The following OR2AG1 variants were observed in gnomAD, a reference collection of about 807,000 sequenced individuals.
OR2AG1 encodes olfactory receptor family 2 subfamily AG member 1.
For missense variants in OR2AG1, 391 were observed against 385.9 expected, an observed-to-expected ratio of 1.01 and a Z score of -0.11; for synonymous variants, 157 against 155.6, an observed-to-expected ratio of 1.01 and a Z score of -0.07.
chr11:6,787,032 G>T lies in OR2AG1; in HGVS notation c.*1044G>T, dbSNP rs961324491. On this transcript the variant is annotated 3_prime_UTR_variant, in exon 2 of 2. Coordinates refer to ENST00000641258, the MANE Select transcript of OR2AG1 (RefSeq NM_001004489.3). ...TATTGCTGTTTGAAGATTCGCTAACGCTTTTTAAATCAATTCCTATAGTAA... is the reference window on the plus strand; with the variant it reads ...TATTGCTGTTTGAAGATTCGCTAACTCTTTTTAAATCAATTCCTATAGTAA... 6.6e-6 allele frequency: 1 copy of T among 152,180 alleles called. No homozygotes were observed. The highest frequency in any genetic ancestry group is 6.6e-5 in the Admixed American group (1 of 15,266). 9.4% of individuals were successfully genotyped at this position (152,180 alleles called of 1,614,324 possible).
At position 6,788,658 on chromosome 11, in the gene OR2AG1, C is replaced by T. The variant is rs923544421; in HGVS notation, c.*2670C>T. 5.9e-5 allele frequency: 9 copies of T among 152,068 alleles called. No homozygotes were observed. The allele number at this position is 152,068 out of a possible 1,614,324, so 9.4% of individuals were successfully genotyped here. ...ATGGTGCATGACTATACTTCTGGAA[C>T]CTAGTCTCAGTCAGTTTTAAAATGA... On this transcript the variant is annotated 3_prime_UTR_variant, in exon 2 of 2. Transcript: ENST00000641258.
At chr11:6,784,218 AG>A in intron 1 of OR2AG1, among the ~76,000 whole-genome samples, 1 of 152,220 alleles carries the variant, frequency 6.6e-6, no homozygotes, top group African/African-American at 2.4e-5. Flanking sequence ...GCATAATTAC[AG>A]CATATAATAG....
Position 6,788,318 on chromosome 11 carries a change from G to C in OR2AG1, c.*2330G>C, listed in dbSNP as rs918493052. On this transcript the variant is annotated 3_prime_UTR_variant, in exon 2 of 2. Transcript: ENST00000641258. ...TATATGTTTAACTTTAACAATAAAT[G>C]TCAAACTTATCTTTACATGTGAAAA... 1.3e-4 allele frequency: 20 copies of C among 152,036 alleles called. No individual in the cohort carries two copies. The highest frequency in any genetic ancestry group is 4.8e-4 in the African/African-American group (20 of 41,408). 9.4% of individuals were successfully genotyped at this position (152,036 alleles called of 1,614,324 possible). A position where few individuals can be genotyped will look rare whatever the true frequency, so the allele number is the denominator to read the frequency against.
chr11:6,785,840 C>G lies in OR2AG1; in HGVS notation c.803C>G (p.Thr268Ser), dbSNP rs1410398634. The change falls in exon 2 of 2, where the codon ACC (threonine) becomes AGC (serine). Residue 268 changes from threonine to serine, a missense_variant. By Grantham distance (58) the Thr-to-Ser change is moderately conservative. Transcript: ENST00000641258. ...GTCTTGCCCAGTTCCTTCCACAGCA[C>G]CAGACAAGACAACATCATCTCTGTT... Reference protein sequence around the residue: ...MYVLPSSFHSTRQDNIISVFY... With the variant: ...MYVLPSSFHSSRQDNIISVFY... 6.2e-7 allele frequency: 1 copy of G among 1,614,132 alleles called. No homozygotes were observed. The highest frequency in any genetic ancestry group is 2.2e-5 in the East Asian group (1 of 44,874).
rs1393644526 is a variant in OR2AG1 at position 6,788,756 on chromosome 11, G to C, written c.*2768G>C. The C allele has an allele frequency of 6.6e-6, 1 of 151,910 alleles. No individual in the cohort carries two copies. Among genetic ancestry groups the C allele is most frequent in the African/African-American group, 2.4e-5 (1 of 41,324 alleles). 9.4% of individuals were successfully genotyped at this position (151,910 alleles called of 1,614,324 possible). ...TAGAACAGAAGCAGTTGGCTACAAA[G>C]CCCTCTTCAAATCCTCCACATATCT... On this transcript the variant is annotated 3_prime_UTR_variant, in exon 2 of 2. Coordinates refer to ENST00000641258, the MANE Select transcript of OR2AG1 (RefSeq NM_001004489.3).
At position 6,788,945 on chromosome 11, in the gene OR2AG1, A is replaced by C. The variant is rs964745422; in HGVS notation, c.*2957A>C. ...AAATAAATAAATAAATAAATAAATA[A>C]ATAAATAAAGTAAGAAGTCTTTGCA... On this transcript the variant is annotated 3_prime_UTR_variant, in exon 2 of 2. Transcript: ENST00000641258. 3 of 150,964 alleles carry C rather than the reference A, an allele frequency of 2.0e-5. No individual in the cohort carries two copies. Among genetic ancestry groups the C allele is most frequent in the African/African-American group, 7.3e-5 (3 of 41,062 alleles). The allele number at this position is 150,964 out of a possible 1,614,324, so 9.4% of individuals were successfully genotyped here.
rs1847623354 is a variant in OR2AG1, at chr11:6,785,946, G to A, written c.909G>A (p.Arg303=). 6.2e-7 allele frequency: 1 copy of A among 1,613,970 alleles called. No homozygotes were observed. The highest frequency in any genetic ancestry group is 8.5e-7 in the Non-Finnish European group (1 of 1,179,930). Residue 303 remains arginine (R), a synonymous_variant, in exon 2 of 2, where the codon AGG becomes AGA. Transcript: ENST00000641258. ...AGGAGGTCATGCGGGCCTTGAGGAG[G>A]GTCCTGGGAAAATACATGCTGCCAG... is the stretch of plus-strand genomic sequence containing the variant. The part of the protein sequence containing the change: ...RNKEVMRALR[R]VLGKYMLPAH...
At chr11:6,784,695 T>C (rs1443353187) in intron 1 of OR2AG1, among the ~76,000 whole-genome samples, 3 of 152,220 alleles carry the variant, frequency 2.0e-5, no homozygotes, top group Non-Finnish European at 2.9e-5. Flanking sequence ...TAATCAAGGA[T>C]TTGTGTGGCA....
Position 6,791,513 on chromosome 11 carries a change from C to T in OR2AG1, c.*5525C>T, listed in dbSNP as rs1165868053. On this transcript the variant is annotated 3_prime_UTR_variant, in exon 2 of 2. Coordinates refer to ENST00000641258, the MANE Select transcript of OR2AG1 (RefSeq NM_001004489.3). ...TAAGTATATAAAGCACTAACTTTAT[C>T]AATTTTGTTAATTATACTTCACTTC... The T allele has an allele frequency of 1.3e-5, 2 of 152,112 alleles. No homozygotes were observed. The highest frequency in any genetic ancestry group is 6.6e-5 in the Admixed American group (1 of 15,266). The allele number at this position is 152,112 out of a possible 1,614,324, so 9.4% of individuals were successfully genotyped here.
At position 6,785,494 on chromosome 11, in the gene OR2AG1, T is replaced by A; in HGVS notation, c.457T>A (p.Ser153Thr). Residue 153 changes from serine (S) to threonine (T), a missense_variant, in exon 2 of 2, where the codon TCC (serine) becomes ACC (threonine). Ser to Thr is a moderately conservative substitution (Grantham distance 58, BLOSUM62 1). Coordinates refer to ENST00000641258, the MANE Select transcript of OR2AG1 (RefSeq NM_001004489.3). Reference sequence around the variant, plus strand: ...GGTGGCCACGTCCTGGATCCTGGCATCCCTAAGTGCCCTAATATATACCGT... The same window carrying A: ...GGTGGCCACGTCCTGGATCCTGGCAACCCTAAGTGCCCTAATATATACCGT... Reference protein sequence around the residue: ...LMVATSWILASLSALIYTVYT... With the variant: ...LMVATSWILATLSALIYTVYT... The A allele has an allele frequency of 6.2e-7, 1 of 1,614,106 alleles. No individual in the cohort carries two copies. Among genetic ancestry groups the A allele is most frequent in the Non-Finnish European group, 8.5e-7 (1 of 1,179,992 alleles).
At chr11:6,784,845 T>C (rs1468320622) in intron 1 of OR2AG1, among the ~76,000 whole-genome samples, 173 bp from the exon 2 acceptor site, 2 of 152,210 alleles carry the variant, frequency 1.3e-5, no homozygotes, top group African/African-American at 2.4e-5. Context: ...TCCATTTAGA[T>C]GGAACTTTTA....
chr11:6,787,862 GCATT>G lies in OR2AG1; in HGVS notation c.*1876_*1879del, dbSNP rs1847644743. 2 of 151,918 alleles carry G rather than the reference GCATT, an allele frequency of 1.3e-5. No homozygotes were observed. Among genetic ancestry groups the G allele is most frequent in the Non-Finnish European group, 2.9e-5 (2 of 67,966 alleles). 9.4% of individuals were successfully genotyped at this position (151,918 alleles called of 1,614,324 possible). A position where few individuals can be genotyped will look rare whatever the true frequency, so the allele number is the denominator to read the frequency against. ...GTTTTCTTAAAATGTTAAATATTTTGCATTCTTACCAGCAACATATAAGTGTACT... is the reference window on the plus strand; with the variant it reads ...GTTTTCTTAAAATGTTAAATATTTTGCTTACCAGCAACATATAAGTGTACT... On this transcript the variant is annotated 3_prime_UTR_variant, in exon 2 of 2. Coordinates refer to ENST00000641258, the MANE Select transcript of OR2AG1 (RefSeq NM_001004489.3).
At position 6,788,214 on chromosome 11, in the gene OR2AG1, A is replaced by G. The variant is rs1010937841; in HGVS notation, c.*2226A>G. ...TTTTACTGTTAGGATATAATTTTCTATTCTCATTGACGTCTTTGCTGTGCA... is the reference window on the plus strand; with the variant it reads ...TTTTACTGTTAGGATATAATTTTCTGTTCTCATTGACGTCTTTGCTGTGCA... On this transcript the variant is annotated 3_prime_UTR_variant, in exon 2 of 2. Coordinates refer to ENST00000641258, the MANE Select transcript of OR2AG1 (RefSeq NM_001004489.3). 3.3e-5 allele frequency: 5 copies of G among 151,980 alleles called. No individual in the cohort carries two copies. In the South Asian group the frequency reaches 1.0e-3, roughly 32 times the overall value. 9.4% of individuals were successfully genotyped at this position (151,980 alleles called of 1,614,324 possible).
In OR2AG1 at chr11:6,785,314, T is replaced by A. The variant is rs1478797979; in HGVS notation, c.277T>A (p.Ser93Thr). Residue 93 changes from serine to threonine, a missense_variant, in exon 2 of 2, where the codon TCC becomes ACC. Coordinates refer to ENST00000641258, the MANE Select transcript of OR2AG1 (RefSeq NM_001004489.3). ...CTTTCTGCGCAGAGAAAACACCATC[T>A]CCTTTGGAGGCTGTGCCCTTCAGAT... The part of the protein sequence containing the change: ...ADFLRRENTI[S>T]FGGCALQMFL... 1 of 1,614,106 alleles carries A rather than the reference T, an allele frequency of 6.2e-7. No individual in the cohort carries two copies. The highest frequency in any genetic ancestry group is 8.5e-7 in the Non-Finnish European group (1 of 1,180,014).
rs150398576 is a variant in OR2AG1 at position 6,785,310 on chromosome 11, C to T, written c.273C>T (p.Thr91=). 33 of 1,614,154 alleles carry T rather than the reference C, an allele frequency of 2.0e-5. No individual in the cohort carries two copies. The highest frequency in any genetic ancestry group is 1.9e-4 in the African/African-American group (14 of 75,044). ...CGGACTTTCTGCGCAGAGAAAACACCATCTCCTTTGGAGGCTGTGCCCTTC... is the reference window on the plus strand; with the variant it reads ...CGGACTTTCTGCGCAGAGAAAACACTATCTCCTTTGGAGGCTGTGCCCTTC... ...ALADFLRREN[T]ISFGGCALQM... Residue 91 remains threonine (T), a synonymous_variant, in exon 2 of 2, where the codon ACC becomes ACT. Coordinates refer to ENST00000641258, the MANE Select transcript of OR2AG1 (RefSeq NM_001004489.3).
rs1847678712 is a variant in OR2AG1 at position 6,790,524 on chromosome 11, A to G, written c.*4536A>G. 6.6e-6 allele frequency: 1 copy of G among 152,220 alleles called. No homozygotes were observed. The highest frequency in any genetic ancestry group is 1.5e-5 in the Non-Finnish European group (1 of 68,048). The allele number at this position is 152,220 out of a possible 1,614,324, so 9.4% of individuals were successfully genotyped here. A position where few individuals can be genotyped will look rare whatever the true frequency, so the allele number is the denominator to read the frequency against. On this transcript the variant is annotated 3_prime_UTR_variant, in exon 2 of 2. Transcript: ENST00000641258. ...ATCAAATCATCACACTGTATACCTTAAATACATTCTAGTCATATTTGTCAA... is the reference window on the plus strand; with the variant it reads ...ATCAAATCATCACACTGTATACCTTGAATACATTCTAGTCATATTTGTCAA...
chr11:6,784,420 C>G (rs1847601294), intron 1 of OR2AG1, among the ~76,000 whole-genome samples: 1 of 152,194 alleles, frequency 6.6e-6, no homozygotes, highest in African/African-American at 2.4e-5. Flanking sequence ...ACACAACATT[C>G]TCTTGTCTCA....
rs544499661 is a variant in OR2AG1, at chr11:6,785,835, C to A, written c.798C>A (p.His266Gln). Residue 266 changes from histidine to glutamine, a missense_variant, in exon 2 of 2, where the codon CAC becomes CAA. His to Gln is a conservative substitution (Grantham distance 24). Transcript: ENST00000641258. ...TGTATGTCTTGCCCAGTTCCTTCCA[C>A]AGCACCAGACAAGACAACATCATCT... Reference protein sequence around the residue: ...TFMYVLPSSFHSTRQDNIISV... With the variant: ...TFMYVLPSSFQSTRQDNIISV... The A allele has an allele frequency of 9.9e-6, 16 of 1,614,178 alleles. No homozygotes were observed. The South Asian group carries it at 1.5e-4, about 16-fold the overall frequency.
rs774469802 is a variant in OR2AG1, at chr11:6,785,109, T to C, written c.72T>C (p.Pro24=). 1 of 1,614,122 alleles carries C rather than the reference T, an allele frequency of 6.2e-7. No homozygotes were observed. Among genetic ancestry groups the C allele is most frequent in the Admixed American group, 1.7e-5 (1 of 60,020 alleles). ...LVGILNDSGS[P]ELLCATITIL... ...GGATTCTGAATGACAGTGGGTCTCC[T>C]GAACTGCTCTGTGCTACAATTACAA... Residue 24 remains proline (P), a synonymous_variant, in exon 2 of 2, where the codon CCT becomes CCC. Transcript: ENST00000641258.
Sources: allele counts gnomAD v4.1 joint callset (sites outside exome capture counted in the v4.1 genomes callset), GRCh38; gene constraint gnomAD v4.1.1; transcripts MANE v1.5; gene names NCBI Gene and HGNC (gene_info 2026-07-23, HGNC 2026-07-21).